Variants in PGAP1 observed in about 807,000 individuals in gnomAD.
PGAP1 encodes the protein GPI inositol-deacylase.
PGAP1 carries 76 observed loss-of-function variants against 127.0 expected under a neutral mutation model. That is an observed-to-expected ratio of 0.60 (90% CI 0.50 to 0.72). PGAP1 has a LOEUF of 0.72. Among genes scored for constraint, PGAP1 ranks in the 30% least tolerant of loss-of-function variants. PGAP1 has a pLI of 0.00. For synonymous variants in PGAP1, 362 were observed against 366.5 expected, an observed-to-expected ratio of 0.99 and a Z score of 0.14; for missense variants, 982 against 1,071.3, an observed-to-expected ratio of 0.92 and a Z score of 1.16.
At chr2:196,912,495 G>A (rs906399148) in intron 4 of PGAP1, among the ~76,000 whole-genome samples, 1 of 149,274 alleles carries the variant, frequency 6.7e-6, no homozygotes, top group South Asian at 2.1e-4. Context: ...CACGAGAATC[G>A]CTTGAACCTG....
chr2:196,914,615 G>A lies in PGAP1; in HGVS notation c.478-1562C>T, dbSNP rs530091030. 2.4e-3 allele frequency among the ~76,000 whole-genome samples: 300 copies of A among 123,400 alleles called. 2 individuals carry two copies. Among genetic ancestry groups the A allele is most frequent in the African/African-American group, 8.7e-3 (280 of 32,204 alleles). The allele number at this position is 123,400 out of a possible 152,430, so 81.0% of individuals were successfully genotyped here. On this transcript the variant is annotated intron_variant, in intron 3 of 26. Transcript: ENST00000354764. ...CAGCCTGGTGACAGAGTGAGACCCT[G>A]TCTCAAACAAAACAAAACAAAACAA...
chr2:196,882,434 T>C (rs1410588051), intron 12 of PGAP1, among the ~76,000 whole-genome samples: 3 of 152,216 alleles, frequency 2.0e-5, no homozygotes, highest in African/African-American at 7.2e-5. Context: ...TATAAATTGC[T>C]TTGGACAGTA....
rs889661458 is a variant in PGAP1 at position 196,839,427 on chromosome 2, T to A, written c.*1807A>T. 2 of 152,230 alleles carry A rather than the reference T, an allele frequency of 1.3e-5. No homozygotes were observed. The highest frequency in any genetic ancestry group is 2.4e-5 in the African/African-American group (1 of 41,442). 9.4% of individuals were successfully genotyped at this position (152,230 alleles called of 1,614,324 possible). Reference sequence around the variant, plus strand: ...AGTATATAATCTAATAAATTCTCTCTCTTTCCTCTCCAGCTGAAACATATA... The same window carrying A: ...AGTATATAATCTAATAAATTCTCTCACTTTCCTCTCCAGCTGAAACATATA... On this transcript the variant is annotated 3_prime_UTR_variant, in exon 27 of 27. Coordinates refer to ENST00000354764, the MANE Select transcript of PGAP1 (RefSeq NM_024989.4).
At chr2:196,866,623 G>A (rs938066128) in intron 19 of PGAP1, among the ~76,000 whole-genome samples, 1 of 152,110 alleles carries the variant, frequency 6.6e-6, no homozygotes, top group South Asian at 2.1e-4. Context: ...TGGCAAATGG[G>A]ATCTAATTAA....
At chr2:196,866,900 G>T (rs529607700) in intron 19 of PGAP1, among the ~76,000 whole-genome samples, 1 of 152,026 alleles carries the variant, frequency 6.6e-6, no homozygotes, top group South Asian at 2.1e-4. Context: ...ACATCGTCTG[G>T]TCATTAGAGA....
intron 20 of PGAP1, among the ~76,000 whole-genome samples, chr2:196,854,950 T>A (rs952661704): frequency 6.6e-6 from 1 of 151,728 alleles, no homozygotes; most frequent in Admixed American, 6.6e-5. Context: ...GCTAATGTAT[T>A]CTTTTTAAAC....
At position 196,838,634 on chromosome 2, in the gene PGAP1, T is replaced by C. The variant is rs1700301902; in HGVS notation, c.*2600A>G. 6.6e-6 allele frequency: 1 copy of C among 152,254 alleles called. No individual in the cohort carries two copies. The highest frequency in any genetic ancestry group is 1.5e-5 in the Non-Finnish European group (1 of 68,046). 9.4% of individuals were successfully genotyped at this position (152,254 alleles called of 1,614,324 possible). On this transcript the variant is annotated 3_prime_UTR_variant, in exon 27 of 27. Coordinates refer to ENST00000354764, the MANE Select transcript of PGAP1 (RefSeq NM_024989.4). Reference sequence around the variant, plus strand: ...TAAAATGTTTAATTAGAATCATTTTTGTAGTCCTTAAAATGAAATTTTTTT... The same window carrying C: ...TAAAATGTTTAATTAGAATCATTTTCGTAGTCCTTAAAATGAAATTTTTTT...
At chr2:196,897,236 A>T in intron 6 of PGAP1, 39 bp from the exon 7 acceptor site, 1 of 1,264,586 alleles carries the variant, frequency 7.9e-7, no homozygotes. Flanking sequence ...AAACTTTCTT[A>T]AAACATATAC....
intron 12 of PGAP1, 76 bp from the exon 13 acceptor site, chr2:196,880,229 A>C (rs1023974563): frequency 2.2e-6 from 2 of 891,204 alleles, no homozygotes; most frequent in African/African-American, 3.9e-5. Context: ...AATAACACTT[A>C]TTTCTTACTT....
chr2:196,873,628 TTAAAG>T, intron 15 of PGAP1, 49 bp from the exon 16 acceptor site: 2 of 1,596,800 alleles, frequency 1.3e-6, no homozygotes, highest in Non-Finnish European at 1.7e-6. Flanking sequence ...TACTTGTATG[TTAAAG>T]TAAACATTAA....
rs1305321955 is a variant in PGAP1, at chr2:196,902,609, A to G, written c.783T>C (p.His261=). 3 of 1,613,300 alleles carry G rather than the reference A, an allele frequency of 1.9e-6. No individual in the cohort carries two copies. Among genetic ancestry groups the G allele is most frequent in the Admixed American group, 1.7e-5 (1 of 59,882 alleles). The stretch of plus-strand genomic sequence containing the variant: ...CCACAACAGATAAGGCACTGGTATG[A>G]TGGCTTAATTTTGGTAGAAAAGTCA... The part of the protein sequence containing the change: ...SGLTFLPKLS[H]HTSALSVVSS... The change falls in exon 5 of 27, where the codon CAT becomes CAC. Residue 261 remains histidine (H), a synonymous_variant. Coordinates refer to ENST00000354764, the MANE Select transcript of PGAP1 (RefSeq NM_024989.4).
At chr2:196,855,287 C>G (rs575693089) in intron 20 of PGAP1, among the ~76,000 whole-genome samples, 1 of 143,364 alleles carries the variant, frequency 7.0e-6, no homozygotes, top group Non-Finnish European at 1.5e-5. Context: ...GATCGAGCCA[C>G]TGCACTCTAG....
chr2:196,875,821 A>C lies in PGAP1; in HGVS notation c.1351T>G (p.Phe451Val). Reference sequence around the variant, plus strand: ...TTAAAGAATTCACAATCTACAACAAACTGAAATATAAAACATTGATTTATT... The same window carrying C: ...TTAAAGAATTCACAATCTACAACAACCTGAAATATAAAACATTGATTTATT... Reference protein sequence around the residue: ...VYVPSVRGSKFVVDCEFFKKE... With the variant: ...VYVPSVRGSKVVVDCEFFKKE... The change falls in exon 14 of 27, where the codon TTT becomes GTT. Residue 451 changes from phenylalanine to valine, a missense_variant and splice_region_variant. Transcript: ENST00000354764. The C allele has an allele frequency of 7.2e-7, 1 of 1,390,408 alleles. No individual in the cohort carries two copies. Among genetic ancestry groups the C allele is most frequent in the Non-Finnish European group, 1.0e-6 (1 of 985,974 alleles). The allele number at this position is 1,390,408 out of a possible 1,614,324, so 86.1% of individuals were successfully genotyped here. A position where few individuals can be genotyped will look rare whatever the true frequency, so the allele number is the denominator to read the frequency against.
chr2:196,841,411 C>T (rs772797442), intron 26 of PGAP1, 39 bp from the exon 27 acceptor site: 86 of 1,529,942 alleles, frequency 5.6e-5, no homozygotes, highest in Non-Finnish European at 7.5e-5. Flanking sequence ...CTTATGTGAA[C>T]TACATTGTGA....
rs1702124855 is a variant in PGAP1, at chr2:196,892,326, T to A, written c.1089+20A>T. The A allele has an allele frequency of 7.9e-7, 1 of 1,268,834 alleles. No homozygotes were observed. The highest frequency in any genetic ancestry group is 1.5e-5 in the African/African-American group (1 of 65,576). 78.6% of individuals were successfully genotyped at this position (1,268,834 alleles called of 1,614,324 possible). A position where few individuals can be genotyped will look rare whatever the true frequency, so the allele number is the denominator to read the frequency against. On this transcript the variant is annotated intron_variant, in intron 9 of 26. Coordinates refer to ENST00000354764, the MANE Select transcript of PGAP1 (RefSeq NM_024989.4). ...TTTCTGGAAAAAACATGAAAAAAAA[T>A]CCATTGGTGGAATACTTACGTTGTA...
chr2:196,922,752 C>T (rs1703244409), intron 1 of PGAP1: 1 of 161,454 alleles, frequency 6.2e-6, no homozygotes, highest in Middle Eastern at 3.1e-3. Context: ...ACAATCTCAG[C>T]TCACTGTAGC....
intron 4 of PGAP1, 110 bp from the exon 5 acceptor site, chr2:196,902,852 C>A: frequency 1.5e-6 from 1 of 687,938 alleles, no homozygotes; most frequent in Non-Finnish European, 2.3e-6. Flanking sequence ...TAAGTCATTT[C>A]ATCTATAAAC....
At chr2:196,919,209 T>C (rs1356724820) in intron 2 of PGAP1, among the ~76,000 whole-genome samples, 14 of 152,170 alleles carry the variant, frequency 9.2e-5, no homozygotes, top group Admixed American at 9.2e-4. Context: ...ACATATTTGT[T>C]TGATTGCTGT....
chr2:196,921,614 T>C (rs1352200986), intron 1 of PGAP1, among the ~76,000 whole-genome samples: 1 of 152,018 alleles, frequency 6.6e-6, no homozygotes, highest in Non-Finnish European at 1.5e-5. Flanking sequence ...GAAAATTAAC[T>C]CAGAAGAACA....
Sources: allele counts gnomAD v4.1 joint callset (sites outside exome capture counted in the v4.1 genomes callset), GRCh38; gene constraint gnomAD v4.1.1; transcripts MANE v1.5; gene names NCBI Gene and HGNC (gene_info 2026-07-23, HGNC 2026-07-21).